Variants in PLXNB1 observed in about 807,000 individuals in gnomAD.
The protein encoded by PLXNB1 is plexin B1, also known as plexin-B1.
In PLXNB1, 106 loss-of-function variants were observed where a neutral mutation model predicts 209.4. That is an observed-to-expected ratio of 0.51 (90% CI 0.43 to 0.59). The LOEUF (loss-of-function observed/expected upper bound fraction) is 0.59. PLXNB1 is among the 20% of genes least tolerant of loss of function. The pLI, the probability that PLXNB1 is intolerant of heterozygous loss-of-function variation, is 0.00. For missense variants in PLXNB1, 2,357 were observed against 2,853.2 expected (o/e 0.83, Z 3.96); for synonymous variants, 1,167 against 1,183.2 (o/e 0.99, Z 0.28).
chr3:48,422,684 A>G, intron 4 of PLXNB1, 81 bp downstream of exon 4: 1 of 1,464,522 alleles, frequency 6.8e-7, no homozygotes, highest in South Asian at 1.3e-5. Flanking sequence ...GGTCACAGGG[A>G]TAGCTTAAAC....
In PLXNB1 at chr3:48,418,836, T is replaced by C. The variant is rs2038285171; in HGVS notation, c.2955+81A>G. On this transcript the variant is annotated intron_variant, in intron 13 of 37. Transcript: ENST00000296440. The surrounding 1 kb of genome is among the most constrained non-coding windows in gnomAD (Gnocchi z 6.6). Reference sequence around the variant, plus strand: ...GGTCAGAGCGTGGCTCTGGAAAGTGTGGTGCAGCCAGCTACAGTTGGCAGC... The same window carrying C: ...GGTCAGAGCGTGGCTCTGGAAAGTGCGGTGCAGCCAGCTACAGTTGGCAGC... 6.4e-7 allele frequency: 1 copy of C among 1,554,664 alleles called. No individual in the cohort carries two copies.
rs1394945556 is a variant in PLXNB1, at chr3:48,418,481, C to T, written c.3017G>A (p.Arg1006His). 9.3e-6 allele frequency: 15 copies of T among 1,612,622 alleles called. No individual in the cohort carries two copies. Among genetic ancestry groups the T allele is most frequent in the Admixed American group, 3.3e-5 (2 of 59,904 alleles). Residue 1006 changes from arginine (R) to histidine (H), a missense_variant, in exon 14 of 38, where the codon CGT becomes CAT. This residue lies in a region of PLXNB1 where 743 missense variants were observed against 896.2 expected (regional missense o/e 0.83). Transcript: ENST00000296440. The surrounding 1 kb of genome is among the most constrained non-coding windows in gnomAD (Gnocchi z 6.6). ...CCCCTCAGCACTGTCCACACGCAGACGGCCGGCCCGACGCAGAAACAGCCC... is the reference window on the plus strand; with the variant it reads ...CCCCTCAGCACTGTCCACACGCAGATGGCCGGCCCGACGCAGAAACAGCCC... ...RVGLFLRRAG[R>H]LRVDSAEGLH...
rs957263877 is a variant in PLXNB1, at chr3:48,420,265, G to T, written c.2029-8C>A. ...TGGGGAGACAAGCGGGCTCTGAAGG[G>T]GGAGGCAGAGGAAGACAGGAAGGGC... is the stretch of plus-strand genomic sequence containing the variant. On this transcript the variant is annotated splice_region_variant and splice_polypyrimidine_tract_variant and intron_variant, in intron 10 of 37. Coordinates refer to ENST00000296440, the MANE Select transcript of PLXNB1 (RefSeq NM_001130082.3). The T allele has an allele frequency of 1.2e-5, 18 of 1,526,050 alleles. No homozygotes were observed. The highest frequency in any genetic ancestry group is 1.5e-5 in the Non-Finnish European group (17 of 1,132,084). 94.5% of individuals were successfully genotyped at this position (1,526,050 alleles called of 1,614,324 possible).
Position 48,411,142 on chromosome 3 carries a change from C to G in PLXNB1, c.5248-106G>C. ...ATGAGAAACTGCTGCCTCCAATCCC[C>G]ACGCACCACACAATCCCTAATTCTC... On this transcript the variant is annotated intron_variant, in intron 28 of 37. Transcript: ENST00000296440. The surrounding 1 kb of genome is among the most constrained non-coding windows in gnomAD (Gnocchi z 4.0). The G allele has an allele frequency of 1.1e-6, 1 of 890,302 alleles. No individual in the cohort carries two copies. The highest frequency in any genetic ancestry group is 1.7e-6 in the Non-Finnish European group (1 of 591,968). 55.2% of individuals were successfully genotyped at this position (890,302 alleles called of 1,614,324 possible).
rs146664022 is a variant in PLXNB1, at chr3:48,411,870, C to T, written c.5240G>A (p.Arg1747His). 515 of 1,613,884 alleles carry T rather than the reference C, an allele frequency of 3.2e-4. 1 individual carries two copies. In the Middle Eastern group the frequency reaches 3.7e-3, roughly 11 times the overall value. ...ACACTTGCACACCCTCACCAGGGGA[C>T]GGTACTCCACATCCTCTCTGAGCAG... is the stretch of plus-strand genomic sequence containing the variant. ...NRLLREDVEY[R>H]PLTLNALLAV... The change falls in exon 28 of 38, where the codon CGT becomes CAT. Residue 1747 changes from arginine (R) to histidine (H), a missense_variant. Around this residue, in one of 7 missense-constraint regions of PLXNB1, gnomAD observed 414 missense variants for 520.5 expected, o/e 0.80. Transcript: ENST00000296440. The surrounding 1 kb of genome is among the most constrained non-coding windows in gnomAD (Gnocchi z 4.0).
Position 48,416,796 on chromosome 3 carries a change from C to T in PLXNB1, c.3375-345G>A. On this transcript the variant is annotated intron_variant, in intron 16 of 37. Coordinates refer to ENST00000296440, the MANE Select transcript of PLXNB1 (RefSeq NM_001130082.3). This position sits in a 1 kb window ranked among gnomAD's most constrained non-coding sequence, Gnocchi z 4.1. ...GTGGGCACAGCTAGCCGCCCATGTC[C>T]TCCGCCACGTCACATGCACAGTACC... is the stretch of plus-strand genomic sequence containing the variant. 4.8e-6 allele frequency: 1 copy of T among 209,418 alleles called. No individual in the cohort carries two copies. The highest frequency in any genetic ancestry group is 9.4e-6 in the Non-Finnish European group (1 of 106,092). The allele number at this position is 209,418 out of a possible 1,614,324, so 13.0% of individuals were successfully genotyped here. A position where few individuals can be genotyped will look rare whatever the true frequency, so the allele number is the denominator to read the frequency against.
In PLXNB1 at chr3:48,413,858, G is replaced by C; in HGVS notation, c.4386+37C>G. On this transcript the variant is annotated intron_variant, in intron 22 of 37. Transcript: ENST00000296440. The surrounding 1 kb of genome is among the most constrained non-coding windows in gnomAD (Gnocchi z 5.4). ...ACCTGTGAGCAAGGGTTTGGCCCAG[G>C]TCAATGCCCAGCCCGGCCAGGGACC... 6.2e-7 allele frequency: 1 copy of C among 1,608,538 alleles called. No homozygotes were observed. The highest frequency in any genetic ancestry group is 2.2e-5 in the East Asian group (1 of 44,716).
At position 48,424,590 on chromosome 3, in the gene PLXNB1, G is replaced by A. The variant is rs1560076560; in HGVS notation, c.22C>T (p.Leu8Phe). Residue 8 changes from leucine (L) to phenylalanine (F), a missense_variant, in exon 3 of 38, where the codon CTT becomes TTT. Coordinates refer to ENST00000296440, the MANE Select transcript of PLXNB1 (RefSeq NM_001130082.3). MPALGPALLQALWAGWVL... is the reference protein window; with the variant it reads MPALGPAFLQALWAGWVL... ...CACCCGGCCCAGAGAGCCTGGAGAA[G>A]AGCTGGGCCCAGAGCAGGCATGGTC... The A allele has an allele frequency of 5.8e-6, 9 of 1,541,454 alleles. No individual in the cohort carries two copies. The highest frequency in any genetic ancestry group is 7.8e-6 in the Non-Finnish European group (9 of 1,148,000).
Position 48,416,381 on chromosome 3 carries a change from C to T in PLXNB1, c.3445G>A (p.Gly1149Arg), listed in dbSNP as rs1308861020. Residue 1149 changes from glycine to arginine, a missense_variant, in exon 17 of 38, where the codon GGA becomes AGA. This residue lies in a region of PLXNB1 where 743 missense variants were observed against 896.2 expected (regional missense o/e 0.83). Transcript: ENST00000296440. The surrounding 1 kb of genome is among the most constrained non-coding windows in gnomAD (Gnocchi z 4.1). ...AAGTCGTGTTCTGAGACACCACGTC[C>T]TCTTCCCGGCACCTCCACCGCTGTG... is the stretch of plus-strand genomic sequence containing the variant. Reference protein sequence around the residue: ...GATAVEVPGRGRGVSEHDFAY... With the variant: ...GATAVEVPGRRRGVSEHDFAY... The T allele has an allele frequency of 6.2e-7, 1 of 1,613,170 alleles. No individual in the cohort carries two copies. Among genetic ancestry groups the T allele is most frequent in the African/African-American group, 1.3e-5 (1 of 75,054 alleles).
chr3:48,407,282 C>A (rs1334953314), intron 34 of PLXNB1, among the ~76,000 whole-genome samples, 191 bp from the exon 35 acceptor site: 1 of 152,108 alleles, frequency 6.6e-6, no homozygotes, highest in African/African-American at 2.4e-5. Context: ...TCCGCAGGAG[C>A]CTCTGCTGCT....
Position 48,422,946 on chromosome 3 carries a change from T to C in PLXNB1, c.1109A>G (p.Asp370Gly). ...GCCACAGGGATAAGCATCCAGGGTG[T>C]CCTATAGGCAGCAAGAAGCATCAGG... ...VNSDCAQLPV[D>G]TLDAYPCGSD... Residue 370 changes from aspartate (D) to glycine (G), a missense_variant and splice_region_variant, in exon 4 of 38, where the codon GAC becomes GGC. This residue lies in a region of PLXNB1 where 404 missense variants were observed against 443.6 expected (regional missense o/e 0.91). Transcript: ENST00000296440. 5 of 1,610,204 alleles carry C rather than the reference T, an allele frequency of 3.1e-6. No individual in the cohort carries two copies. The highest frequency in any genetic ancestry group is 4.2e-6 in the Non-Finnish European group (5 of 1,177,340).
Position 48,421,262 on chromosome 3 carries a change from G to C in PLXNB1, c.1776C>G (p.Asp592Glu). ...TCGGCAGCACTGGGGCCTCACTAGGGTCTGGGGAGGGGCACATCACACCAG... is the reference window on the plus strand; with the variant it reads ...TCGGCAGCACTGGGGCCTCACTAGGCTCTGGGGAGGGGCACATCACACCAG... The part of the protein sequence containing the change: ...TGSGVMCPSP[D>E]PSEAPVLPRG... Residue 592 changes from aspartate to glutamate, a missense_variant, in exon 8 of 38, where the codon GAC becomes GAG. Asp to Glu is a conservative substitution (Grantham distance 45). Coordinates refer to ENST00000296440, the MANE Select transcript of PLXNB1 (RefSeq NM_001130082.3). 1.2e-6 allele frequency: 2 copies of C among 1,613,092 alleles called. No individual in the cohort carries two copies. Among genetic ancestry groups the C allele is most frequent in the Non-Finnish European group, 1.7e-6 (2 of 1,179,574 alleles).
In PLXNB1 at chr3:48,409,238, T is replaced by G; in HGVS notation, c.6087+91A>C. On this transcript the variant is annotated intron_variant, in intron 34 of 37. Transcript: ENST00000296440. This position sits in a 1 kb window ranked among gnomAD's most constrained non-coding sequence, Gnocchi z 5.8. Reference sequence around the variant, plus strand: ...GTCAGAGGTCTCCCCTAAGCCCTCCTTGAAGTTCTCAGAAAAGCCTGGAAT... The same window carrying G: ...GTCAGAGGTCTCCCCTAAGCCCTCCGTGAAGTTCTCAGAAAAGCCTGGAAT... The G allele has an allele frequency of 6.7e-7, 1 of 1,502,122 alleles. No individual in the cohort carries two copies. Among genetic ancestry groups the G allele is most frequent in the Non-Finnish European group, 9.1e-7 (1 of 1,102,594 alleles). The allele number at this position is 1,502,122 out of a possible 1,614,324, so 93.0% of individuals were successfully genotyped here. A position where few individuals can be genotyped will look rare whatever the true frequency, so the allele number is the denominator to read the frequency against.
In PLXNB1 at chr3:48,413,775, T is replaced by G; in HGVS notation, c.4430A>C (p.Tyr1477Ser). Residue 1477 changes from tyrosine (Y) to serine (S), a missense_variant, in exon 23 of 38, where the codon TAT becomes TCT. By Grantham distance (144) the Tyr-to-Ser change is moderately radical. Coordinates refer to ENST00000296440, the MANE Select transcript of PLXNB1 (RefSeq NM_001130082.3). This position sits in a 1 kb window ranked among gnomAD's most constrained non-coding sequence, Gnocchi z 5.4. ...AAAAGCCCCAGGGCTCTCGCCGTCA[T>G]ACTGCACGTGACCCAGGGAGAAGCG... ...NLRFSLGHVQ[Y>S]DGESPGAFPV... is the part of the protein sequence containing the mutation. The G allele has an allele frequency of 6.2e-7, 1 of 1,613,876 alleles. No homozygotes were observed.
chr3:48,428,395 A>G (rs1418453151), intron 1 of PLXNB1, among the ~76,000 whole-genome samples: 1 of 152,076 alleles, frequency 6.6e-6, no homozygotes, highest in Non-Finnish European at 1.5e-5. Context: ...TCCCCCACAC[A>G]TGCCCTGGAG....
At chr3:48,430,206 C>CA (rs1419716397), upstream of PLXNB1, among the ~76,000 whole-genome samples, 2 of 152,250 alleles carry the variant, frequency 1.3e-5, no homozygotes, top group African/African-American at 2.4e-5. Context: ...CAACCCCCCC[C>CA]AGCCTATTTG....
Position 48,414,954 on chromosome 3 carries a change from G to C in PLXNB1, c.4054C>G (p.Arg1352Gly). 1 of 1,613,864 alleles carries C rather than the reference G, an allele frequency of 6.2e-7. No homozygotes were observed. Among genetic ancestry groups the C allele is most frequent in the Non-Finnish European group, 8.5e-7 (1 of 1,180,042 alleles). Residue 1352 changes from arginine (R) to glycine (G), a missense_variant, in exon 21 of 38, where the codon CGG becomes GGG. By Grantham distance (125) the Arg-to-Gly change is moderately radical (BLOSUM62 -2). Coordinates refer to ENST00000296440, the MANE Select transcript of PLXNB1 (RefSeq NM_001130082.3). ...AGGTTGTCAAGGATAAATTCCACCCGGACCCAGGGGTCCTCAGGCAGGCCT... is the reference window on the plus strand; with the variant it reads ...AGGTTGTCAAGGATAAATTCCACCCCGACCCAGGGGTCCTCAGGCAGGCCT... ...LPGLPEDPWV[R>G]VEFILDNLVF...
Position 48,412,439 on chromosome 3 carries a change from G to A in PLXNB1, c.5033+3C>T, listed in dbSNP as rs1368177877. 6.2e-7 allele frequency: 1 copy of A among 1,613,454 alleles called. No homozygotes were observed. Among genetic ancestry groups the A allele is most frequent in the South Asian group, 1.1e-5 (1 of 91,078 alleles). ...CCCACCCAGCCCCAACAGCCACACA[G>A]ACCTGCGCAGCATCAGCTTGGGGTT... is the stretch of plus-strand genomic sequence containing the variant. On this transcript the variant is annotated splice_donor_region_variant and intron_variant, in intron 26 of 37. Transcript: ENST00000296440.
Position 48,409,730 on chromosome 3 carries a change from C to A in PLXNB1, c.5780G>T (p.Gly1927Val), listed in dbSNP as rs777666577. Residue 1927 changes from glycine to valine, a missense_variant and splice_region_variant, in exon 33 of 38, where the codon GGC (glycine) becomes GTC (valine). Physicochemically the swap from Gly to Val is moderately radical, Grantham distance 109. Coordinates refer to ENST00000296440, the MANE Select transcript of PLXNB1 (RefSeq NM_001130082.3). The surrounding 1 kb of genome is among the most constrained non-coding windows in gnomAD (Gnocchi z 5.8). ...IYLTRLLSMK[G>V]TLQKFVDDLF... is the part of the protein sequence containing the mutation. ...GTCATCCACGAACTTCTGCAGGGTG[C>A]CCTGTGGGAAGGAAGAAGCAGAGAG... 6.2e-7 allele frequency: 1 copy of A among 1,613,060 alleles called. No individual in the cohort carries two copies. Among genetic ancestry groups the A allele is most frequent in the East Asian group, 2.2e-5 (1 of 44,860 alleles).
Sources: allele counts gnomAD v4.1 joint callset (sites outside exome capture counted in the v4.1 genomes callset), GRCh38; gene constraint gnomAD v4.1.1; regional missense constraint gnomAD v4.1.1; non-coding constraint Gnocchi (gnomAD v3.1); transcripts MANE v1.5; gene names NCBI Gene and HGNC (gene_info 2026-07-23, HGNC 2026-07-21).